The following CILP2 variants were observed in gnomAD, a reference collection of about 807,000 sequenced individuals.
CILP2 encodes cartilage intermediate layer protein 2.
In CILP2, 38 loss-of-function variants were observed where a neutral mutation model predicts 45.6. That is an observed-to-expected ratio of 0.83 (90% CI 0.64 to 1.09). CILP2 has a LOEUF of 1.09. Among genes scored for constraint, CILP2 ranks in the 50% least tolerant of loss-of-function variants. The pLI is 0.00. For synonymous variants in CILP2, 780 were observed against 723.5 expected (o/e 1.08, Z -1.25); for missense variants, 1,735 against 1,662.2 (o/e 1.04, Z -0.76).
intron 5 of CILP2, 36 bp downstream of exon 5, chr19:19,542,686 G>A (rs2061248884): frequency 1.9e-6 from 3 of 1,605,816 alleles, no homozygotes; most frequent in Non-Finnish European, 2.6e-6. Flanking sequence ...TGAAGGGGCT[G>A]AGGATCTGGG....
rs2061264548 is a variant in CILP2 at position 19,546,034 on chromosome 19, C to T, written c.*18C>T. ...GGCAGTGACCTGGGCAGGGGCCTCGCTTTCCCACCTCCCTCCAGACTCCTT... is the reference window on the plus strand; with the variant it reads ...GGCAGTGACCTGGGCAGGGGCCTCGTTTTCCCACCTCCCTCCAGACTCCTT... On this transcript the variant is annotated 3_prime_UTR_variant, in exon 8 of 8. Coordinates refer to ENST00000291495, the MANE Select transcript of CILP2 (RefSeq NM_153221.2). 3 of 1,437,330 alleles carry T rather than the reference C, an allele frequency of 2.1e-6. No individual in the cohort carries two copies. Among genetic ancestry groups the T allele is most frequent in the South Asian group, 1.5e-5 (1 of 64,960 alleles). The allele number at this position is 1,437,330 out of a possible 1,614,324, so 89.0% of individuals were successfully genotyped here. A position where few individuals can be genotyped will look rare whatever the true frequency, so the allele number is the denominator to read the frequency against.
Position 19,545,471 on chromosome 19 carries a change from C to A in CILP2, c.2926C>A (p.Arg976=). The A allele has an allele frequency of 6.2e-7, 1 of 1,612,244 alleles. No homozygotes were observed. The highest frequency in any genetic ancestry group is 8.5e-7 in the Non-Finnish European group (1 of 1,179,696). Residue 976 remains arginine, a synonymous_variant, in exon 8 of 8, where the codon CGG becomes AGG. Coordinates refer to ENST00000291495, the MANE Select transcript of CILP2 (RefSeq NM_153221.2). ...RGQLYGLRDA[R]SVRDPERPGT... is the part of the protein sequence containing the mutation. Reference sequence around the variant, plus strand: ...CCAGCTCTACGGACTTCGGGATGCCCGGAGTGTGCGAGACCCCGAGCGTCC... The same window carrying A: ...CCAGCTCTACGGACTTCGGGATGCCAGGAGTGTGCGAGACCCCGAGCGTCC...
chr19:19,541,418 T>C (rs921473339), intron 4 of CILP2, among the ~76,000 whole-genome samples, 172 bp downstream of exon 4: 1 of 141,766 alleles, frequency 7.1e-6, no homozygotes, highest in Non-Finnish European at 1.5e-5. Context: ...CGGGGCCTCG[T>C]GGACGGGGCT....
rs1351655618 is a variant in CILP2, at chr19:19,544,298, G to A, written c.1753G>A (p.Val585Ile). 4 of 1,613,038 alleles carry A rather than the reference G, an allele frequency of 2.5e-6. No homozygotes were observed. Among genetic ancestry groups the A allele is most frequent in the Non-Finnish European group, 3.4e-6 (4 of 1,180,016 alleles). ...AGATGAGGCGCCCCTGGGCGAGCTG[G>A]TCCTGCCTTCTGGCGCTTTCCGCAG... ...LEDEAPLGEL[V>I]LPSGAFRRAD... Residue 585 changes from valine to isoleucine, a missense_variant, in exon 8 of 8, where the codon GTC (valine) becomes ATC (isoleucine). Coordinates refer to ENST00000291495, the MANE Select transcript of CILP2 (RefSeq NM_153221.2).
rs756313775 is a variant in CILP2, at chr19:19,542,694, G to C, written c.868+44G>C. The C allele has an allele frequency of 2.5e-6, 4 of 1,602,160 alleles. No individual in the cohort carries two copies. In the Admixed American group the frequency reaches 6.7e-5, roughly 27 times the overall value. On this transcript the variant is annotated intron_variant, in intron 5 of 7. Transcript: ENST00000291495. Reference sequence around the variant, plus strand: ...TGGGGCATGAAGGGGCTGAGGATCTGGGGAGGAAGTTCTAGCACTCGATCA... The same window carrying C: ...TGGGGCATGAAGGGGCTGAGGATCTCGGGAGGAAGTTCTAGCACTCGATCA...
At position 19,544,111 on chromosome 19, in the gene CILP2, G is replaced by A. The variant is rs1179040614; in HGVS notation, c.1566G>A (p.Val522=). ...CGCCCTCCACCCAGCGGCTGGTGGT[G>A]ACTTTTGTGGACCCCAGCGGTGAGT... ...EVPPSTQRLV[V]TFVDPSGEFM... Residue 522 remains valine, a synonymous_variant, in exon 8 of 8, where the codon GTG becomes GTA. Coordinates refer to ENST00000291495, the MANE Select transcript of CILP2 (RefSeq NM_153221.2). The A allele has an allele frequency of 4.3e-6, 7 of 1,613,956 alleles. No individual in the cohort carries two copies. The highest frequency in any genetic ancestry group is 5.1e-6 in the Non-Finnish European group (6 of 1,180,026).
At position 19,545,852 on chromosome 19, in the gene CILP2, C is replaced by T. The variant is rs781194815; in HGVS notation, c.3307C>T (p.Gln1103Ter). The change falls in exon 8 of 8, where the codon CAG becomes TAG. Residue 1103 changes from glutamine to a stop codon, truncating the protein, a stop_gained. Transcript: ENST00000291495. LOFTEE classifies it low-confidence loss of function (END_TRUNC). Reference sequence around the variant, plus strand: ...TGATGCCGGCACAGCCGTCACCTTCCAGTGCCGGGAGCCACCGGCCGGACG... The same window carrying T: ...TGATGCCGGCACAGCCGTCACCTTCTAGTGCCGGGAGCCACCGGCCGGACG... Reference protein sequence around the residue: ...KADAGTAVTFQCREPPAGRPS... With the variant: ...KADAGTAVTF 5.7e-6 allele frequency: 9 copies of T among 1,585,926 alleles called. No homozygotes were observed. Among genetic ancestry groups the T allele is most frequent in the South Asian group, 4.5e-5 (4 of 89,746 alleles).
At position 19,540,199 on chromosome 19, in the gene CILP2, C is replaced by T. The variant is rs1417497405; in HGVS notation, c.164-5C>T. On this transcript the variant is annotated splice_polypyrimidine_tract_variant and splice_region_variant and intron_variant, in intron 2 of 7. Transcript: ENST00000291495. Reference sequence around the variant, plus strand: ...CCCTGGTCCCAGCGCGTGCGGTGCCCGCAGAGGCCAGCGAGTGGACGTCCT... The same window carrying T: ...CCCTGGTCCCAGCGCGTGCGGTGCCTGCAGAGGCCAGCGAGTGGACGTCCT... The T allele has an allele frequency of 1.3e-6, 2 of 1,578,284 alleles. No homozygotes were observed. The highest frequency in any genetic ancestry group is 1.8e-5 in the Admixed American group (1 of 57,022).
At chr19:19,543,546 C>A in intron 7 of CILP2, 135 bp from the exon 8 acceptor site, 1 of 1,339,794 alleles carries the variant, frequency 7.5e-7, no homozygotes, top group Non-Finnish European at 1.0e-6. Flanking sequence ...CCACTCTGAG[C>A]ACCAACCTTC....
chr19:19,541,228 G>A lies in CILP2; in HGVS notation c.574G>A (p.Val192Met), dbSNP rs768901816. ...GCGTCCTCTGGAGGCGCAGAAGTGC[G>A]TGCGGCCTCGGTGTCCAGGTAGGAG... ...PGRPLEAQKC[V>M]RPRCPGCSLD... The change falls in exon 4 of 8, where the codon GTG becomes ATG. Residue 192 changes from valine to methionine, a missense_variant. By Grantham distance (21) the Val-to-Met change is conservative. Transcript: ENST00000291495. 7.0e-6 allele frequency: 9 copies of A among 1,285,906 alleles called. No individual in the cohort carries two copies. The East Asian group carries it at 2.3e-4, about 33-fold the overall frequency. The allele number at this position is 1,285,906 out of a possible 1,614,324, so 79.7% of individuals were successfully genotyped here.
chr19:19,541,001 T>G, intron 3 of CILP2, 90 bp from the exon 4 acceptor site: 1 of 1,149,666 alleles, frequency 8.7e-7, no homozygotes, highest in Non-Finnish European at 1.1e-6. Flanking sequence ...GTGAGGGGGT[T>G]GGGGAAGAAG....
intron 2 of CILP2, 163 bp from the exon 3 acceptor site, chr19:19,540,041 G>C: frequency 2.0e-6 from 2 of 1,004,218 alleles, no homozygotes; most frequent in Non-Finnish European, 2.8e-6. Flanking sequence ...GGGGAACCCA[G>C]TCTGCCCTGC....
chr19:19,541,449 C>T (rs1451589196), intron 4 of CILP2, among the ~76,000 whole-genome samples: 1 of 151,352 alleles, frequency 6.6e-6, no homozygotes, highest in Non-Finnish European at 1.5e-5. Flanking sequence ...GGGCCTGGTG[C>T]GGGGGCGGAG....
chr19:19,544,074 C>A lies in CILP2; in HGVS notation c.1529C>A (p.Thr510Asn). The change falls in exon 8 of 8, where the codon ACC becomes AAC. Residue 510 changes from threonine (T) to asparagine (N), a missense_variant. By Grantham distance (65) the Thr-to-Asn change is moderately conservative. Coordinates refer to ENST00000291495, the MANE Select transcript of CILP2 (RefSeq NM_153221.2). ...TTCACCGCCTACCAGGGCGACTTTACCATTGAGGTGCCGCCCTCCACCCAG... is the reference window on the plus strand; with the variant it reads ...TTCACCGCCTACCAGGGCGACTTTAACATTGAGGTGCCGCCCTCCACCCAG... ...IGFTAYQGDF[T>N]IEVPPSTQRL... The A allele has an allele frequency of 6.2e-7, 1 of 1,614,034 alleles. No homozygotes were observed. The highest frequency in any genetic ancestry group is 8.5e-7 in the Non-Finnish European group (1 of 1,180,020).
In CILP2 at chr19:19,544,611, G is replaced by A. The variant is rs777996927; in HGVS notation, c.2066G>A (p.Gly689Asp). The A allele has an allele frequency of 1.3e-6, 2 of 1,576,092 alleles. No homozygotes were observed. The highest frequency in any genetic ancestry group is 3.5e-5 in the Admixed American group (2 of 56,824). ...LKLWSLNPET[G>D]LWEEESGFRR... The stretch of plus-strand genomic sequence containing the variant: ...CTGTGGTCGCTGAACCCCGAGACCG[G>A]CTTGTGGGAGGAGGAGAGCGGCTTC... Residue 689 changes from glycine to aspartate, a missense_variant, in exon 8 of 8, where the codon GGC becomes GAC. By Grantham distance (94) the Gly-to-Asp change is moderately conservative. Coordinates refer to ENST00000291495, the MANE Select transcript of CILP2 (RefSeq NM_153221.2).
Position 19,545,076 on chromosome 19 carries a change from A to G in CILP2, c.2531A>G (p.Tyr844Cys). ...VTQPYLDRLG[Y>C]RRTDHDDPAF... ...CAGCCCTACCTGGACAGGCTGGGGT[A>G]CCGTCGGACGGACCACGACGATCCC... The change falls in exon 8 of 8, where the codon TAC becomes TGC. Residue 844 changes from tyrosine to cysteine, a missense_variant. By Grantham distance (194) the Tyr-to-Cys change is radical. Coordinates refer to ENST00000291495, the MANE Select transcript of CILP2 (RefSeq NM_153221.2). 2 of 1,609,760 alleles carry G rather than the reference A, an allele frequency of 1.2e-6. No individual in the cohort carries two copies. Among genetic ancestry groups the G allele is most frequent in the South Asian group, 1.1e-5 (1 of 90,852 alleles).
In CILP2 at chr19:19,545,381, C is replaced by T. The variant is rs2061261057; in HGVS notation, c.2836C>T (p.Gln946Ter). 2 of 1,612,470 alleles carry T rather than the reference C, an allele frequency of 1.2e-6. No homozygotes were observed. Among genetic ancestry groups the T allele is most frequent in the South Asian group, 2.2e-5 (2 of 91,006 alleles). ...FRACFLKVKI[Q>*]GPQEYMVRSH... The stretch of plus-strand genomic sequence containing the variant: ...GGCCTGCTTCCTCAAGGTGAAGATC[C>T]AGGGTCCCCAGGAGTATATGGTCCG... Residue 946 changes from glutamine to a stop codon, truncating the protein, a stop_gained, in exon 8 of 8, where the codon CAG becomes TAG. Coordinates refer to ENST00000291495, the MANE Select transcript of CILP2 (RefSeq NM_153221.2). LOFTEE classifies it low-confidence loss of function (END_TRUNC).
At chr19:19,538,499 A>C in intron 1 of CILP2, 86 bp downstream of exon 1, 1 of 1,114,354 alleles carries the variant, frequency 9.0e-7, no homozygotes, top group Non-Finnish European at 1.2e-6. Flanking sequence ...ACTCGGGGAG[A>C]GAACCCAGGG....
intron 7 of CILP2, 32 bp downstream of exon 7, chr19:19,543,437 C>G: frequency 6.2e-7 from 1 of 1,610,146 alleles, no homozygotes; most frequent in Non-Finnish European, 8.5e-7. Flanking sequence ...CCCGAGCAAG[C>G]CTTCACCCAA....
Sources: gnomAD v4.1 joint callset for allele counts (sites outside exome capture counted in the v4.1 genomes callset) on GRCh38, gnomAD v4.1.1 for gene constraint, MANE v1.5 for transcripts, NCBI Gene and HGNC (gene_info 2026-07-23, HGNC 2026-07-21) for gene names.